Variants in RBFOX1 observed in about 807,000 individuals in gnomAD.
The protein encoded by RBFOX1 is RNA binding fox-1 homolog 1.
In RBFOX1, 8 loss-of-function variants were observed where a neutral mutation model predicts 57.7. That is an observed-to-expected ratio of 0.14 (90% CI 0.08 to 0.25). The LOEUF is 0.25. RBFOX1 is among the 10% of genes least tolerant of loss of function. The pLI is 1.00. For synonymous variants in RBFOX1, 326 were observed against 222.4 expected, an observed-to-expected ratio of 1.47 and a Z score of -4.15; for missense variants, 611 against 548.5, an observed-to-expected ratio of 1.11 and a Z score of -1.14.
chr16:7,138,269 G>C (rs1393453552), intron 4 of RBFOX1, among the ~76,000 whole-genome samples: 2 of 152,168 alleles, frequency 1.3e-5, no homozygotes, highest in African/African-American at 4.8e-5. Flanking sequence ...CAGATATAAA[G>C]GGAGAAAAAT....
chr16:6,026,048 C>T (rs915606211), intron 1 of RBFOX1, among the ~76,000 whole-genome samples: 7 of 152,176 alleles, frequency 4.6e-5, no homozygotes, highest in African/African-American at 1.4e-4. Context: ...TCACCTTATT[C>T]GATTCCTGCT....
chr16:5,736,919 C>G (rs2052597612), intron 3 of RBFOX1, among the ~76,000 whole-genome samples: 1 of 148,982 alleles, frequency 6.7e-6, no homozygotes, highest in African/African-American at 2.5e-5. Flanking sequence ...CTCTCCCCCT[C>G]CCTCTCTCCC....
intron 4 of RBFOX1, among the ~76,000 whole-genome samples, chr16:7,454,994 T>A (rs2058208570): frequency 1.3e-5 from 2 of 152,198 alleles, no homozygotes; most frequent in Non-Finnish European, 2.9e-5. Flanking sequence ...TTTTTATGAT[T>A]TTGCTCATGG....
chr16:6,555,340 C>G (rs775100503), intron 2 of RBFOX1, among the ~76,000 whole-genome samples: 1 of 152,024 alleles, frequency 6.6e-6, no homozygotes, highest in African/African-American at 2.4e-5. Flanking sequence ...TATGGTAATG[C>G]GAAAGCTTGA....
At chr16:6,869,209 A>T (rs573593210) in intron 3 of RBFOX1, among the ~76,000 whole-genome samples, 2 of 152,210 alleles carry the variant, frequency 1.3e-5, no homozygotes, top group African/African-American at 4.8e-5. Context: ...CCCACTTGCC[A>T]TTATCAGCAA....
Position 5,455,023 on chromosome 16 carries a change from C to CTT in RBFOX1, c.220-12192_220-12191insTT, listed in dbSNP as rs1216518795. On this transcript the variant is annotated intron_variant, in intron 1 of 2. Transcript: ENST00000585867. Reference sequence around the variant, plus strand: ...TCTTTCTTTCTTTCTTTCTTTCTTTCTCTCTCTCTGTCTGTCTCTCTTTCT... The same window carrying CTT: ...TCTTTCTTTCTTTCTTTCTTTCTTTCTTTCTCTCTCTGTCTGTCTCTCTTTCT... 9.2e-3 allele frequency among the ~76,000 whole-genome samples: 1,024 copies of CTT among 111,232 alleles called. 30 individuals carry two copies. Among genetic ancestry groups the CTT allele is most frequent in the Admixed American group, 0.011 (106 of 9,576 alleles). 73.0% of individuals were successfully genotyped at this position (111,232 alleles called of 152,430 possible). A position where few individuals can be genotyped will look rare whatever the true frequency, so the allele number is the denominator to read the frequency against.
At chr16:7,067,512 T>G (rs1029501844) in intron 4 of RBFOX1, among the ~76,000 whole-genome samples, 1 of 151,320 alleles carries the variant, frequency 6.6e-6, no homozygotes, top group African/African-American at 2.4e-5. Context: ...AGAACTGAGG[T>G]CCCTGTTTTC....
intron 4 of RBFOX1, among the ~76,000 whole-genome samples, chr16:7,359,828 T>G (rs28452287): frequency 6.6e-6 from 1 of 151,754 alleles, no homozygotes; most frequent in African/African-American, 2.4e-5. Context: ...ACTGAAAATA[T>G]GAAAAATTAG....
intron 4 of RBFOX1, among the ~76,000 whole-genome samples, chr16:7,228,790 T>A (rs1032935913): frequency 6.6e-6 from 1 of 152,198 alleles, no homozygotes; most frequent in Non-Finnish European, 1.5e-5. Context: ...TAATTTATTT[T>A]GGGGGAAAAT....
At position 5,455,215 on chromosome 16, in the gene RBFOX1, G is replaced by C. The variant is rs555522568; in HGVS notation, c.220-12001G>C. Among the ~76,000 whole-genome samples the C allele has an allele frequency of 6.9e-4, 104 of 151,790 alleles. 1 individual carries two copies. Among genetic ancestry groups the C allele is most frequent in the Non-Finnish European group, 3.1e-4 (21 of 67,996 alleles). On this transcript the variant is annotated intron_variant, in intron 1 of 2. Transcript: ENST00000585867. ...TGACTTGAAGACTAGGCCCAGCTGG[G>C]GTTACTGACCAGAGTGCCTTCACAT...
chr16:7,567,151 C>CCTATATATATCTCCCTATATATATCCCTA (rs138557288), intron 5 of RBFOX1, among the ~76,000 whole-genome samples: 1 of 61,146 alleles, frequency 1.6e-5, no homozygotes, highest in Non-Finnish European at 4.4e-5. Flanking sequence ...ATATATATCC[C>CCTATATATATCTCCCTATATATATCCCTA]TATATATATA....
intron 1 of RBFOX1, among the ~76,000 whole-genome samples, chr16:6,144,032 C>T (rs1310833655): frequency 6.6e-6 from 1 of 151,422 alleles, no homozygotes; most frequent in East Asian, 1.9e-4. Flanking sequence ...CTCCTGGCCT[C>T]CAGTGATCCT....
chr16:6,247,318 T>C (rs2097574768), intron 1 of RBFOX1, among the ~76,000 whole-genome samples: 1 of 152,204 alleles, frequency 6.6e-6, no homozygotes, highest in Non-Finnish European at 1.5e-5. Flanking sequence ...AGCCTTGGTC[T>C]TGAATCACGT....
intron 4 of RBFOX1, chr16:7,422,804 C>G (rs2098555050): frequency 6.6e-6 from 1 of 152,154 alleles, no homozygotes; most frequent in Non-Finnish European, 1.5e-5. Flanking sequence ...AGGAGGAAAC[C>G]TGCTTGTTGG....
intron 1 of RBFOX1, among the ~76,000 whole-genome samples, chr16:6,220,730 C>CA (rs1567708174): frequency 1.6e-4 from 19 of 120,200 alleles, no homozygotes; most frequent in Middle Eastern, 3.9e-3. Flanking sequence ...CCGCCCCCCC[C>CA]CAGTGGAAAA....
chr16:6,107,087 T>C (rs2096389951), intron 1 of RBFOX1, among the ~76,000 whole-genome samples: 1 of 152,200 alleles, frequency 6.6e-6, no homozygotes, highest in Admixed American at 6.5e-5. Flanking sequence ...TGCCTCCTCT[T>C]ATGTTGCTGC....
Position 6,091,874 on chromosome 16 carries a change from C to T in RBFOX1, c.-127+71882C>T, listed in dbSNP as rs920903869. Among the ~76,000 whole-genome samples the T allele has an allele frequency of 5.3e-5, 8 of 152,118 alleles. No individual in the cohort carries two copies. The South Asian group carries it at 8.3e-4, about 16-fold the overall frequency. The stretch of plus-strand genomic sequence containing the variant: ...AAAACAAATTGTTGAATAAATGGTC[C>T]TCTAGTGTTTTAATGGCTTTTACTT... On this transcript the variant is annotated intron_variant, in intron 1 of 15. Transcript: ENST00000550418.
chr16:6,752,350 C>A (rs1040608682), intron 3 of RBFOX1, among the ~76,000 whole-genome samples: 12 of 152,146 alleles, frequency 7.9e-5, no homozygotes, highest in Non-Finnish European at 2.9e-5. Context: ...TGATCTCAGT[C>A]TAATTAATAT....
downstream of RBFOX1, among the ~76,000 whole-genome samples, chr16:5,600,802 A>C (rs1408789224): frequency 1.3e-5 from 2 of 152,216 alleles, no homozygotes; most frequent in Non-Finnish European, 1.5e-5. Context: ...ATGAAAAATG[A>C]CAACCACACA....
Sources: allele counts gnomAD v4.1 joint callset (sites outside exome capture counted in the v4.1 genomes callset), GRCh38; gene constraint gnomAD v4.1.1; transcripts MANE v1.5; gene names NCBI Gene and HGNC (gene_info 2026-07-23, HGNC 2026-07-21).